The following DYNC1I1 variants were observed in gnomAD, a reference collection of about 807,000 sequenced individuals.
The protein encoded by DYNC1I1 is cytoplasmic dynein 1 intermediate chain 1.
In DYNC1I1, 43 loss-of-function variants were observed where a neutral mutation model predicts 86.6. The ratio of observed to expected loss-of-function variants is 0.50; its 90% confidence interval spans 0.39 to 0.64. DYNC1I1 has a LOEUF of 0.64. Ranked by LOEUF, DYNC1I1 falls within the 30% of genes least tolerant of loss-of-function variation. The probability of loss-of-function intolerance (pLI) is 0.00; values close to 1 mark genes in which losing one functional copy is unlikely to be tolerated. For synonymous variants in DYNC1I1, 262 were observed against 283.7 expected, an observed-to-expected ratio of 0.92 and a Z score of 0.77; for missense variants, 604 against 788.8, an observed-to-expected ratio of 0.77 and a Z score of 2.81.
At chr7:95,909,923 C>T (rs1791284987) in intron 6 of DYNC1I1, among the ~76,000 whole-genome samples, 1 of 152,144 alleles carries the variant, frequency 6.6e-6, no homozygotes, top group Admixed American at 6.5e-5. Flanking sequence ...GTCTTTCTCT[C>T]TCTTTCTCAG....
chr7:95,805,728 T>C (rs1224082020), intron 2 of DYNC1I1, among the ~76,000 whole-genome samples: 2 of 152,148 alleles, frequency 1.3e-5, no homozygotes, highest in South Asian at 4.1e-4. Flanking sequence ...ATACCAAAGA[T>C]ATTTTTGAAT....
At chr7:95,786,927 C>T (rs1218138452) in intron 1 of DYNC1I1, among the ~76,000 whole-genome samples, 1 of 152,076 alleles carries the variant, frequency 6.6e-6, no homozygotes, top group Admixed American at 6.6e-5. Flanking sequence ...GAAAATAACC[C>T]GGTGACACTC....
chr7:95,934,228 G>A (rs1368606850), intron 6 of DYNC1I1, among the ~76,000 whole-genome samples: 3 of 152,102 alleles, frequency 2.0e-5, no homozygotes, highest in Admixed American at 6.5e-5. Context: ...ATTTTCTTAG[G>A]TTAATAGATG....
Position 95,879,058 on chromosome 7 carries a change from T to A in DYNC1I1, c.490+9060T>A, listed in dbSNP as rs148207471. The stretch of plus-strand genomic sequence containing the variant: ...CACAGATAATCATTGAGATAATTTG[T>A]AGTCACAGACCCACCTTACAAGAAA... On this transcript the variant is annotated intron_variant, in intron 6 of 16. Coordinates refer to ENST00000447467, the MANE Select transcript of DYNC1I1 (RefSeq NM_001135556.2). 2.9e-3 allele frequency among the ~76,000 whole-genome samples: 448 copies of A among 152,036 alleles called. 7 individuals carry two copies. Among genetic ancestry groups the A allele is most frequent in the African/African-American group, 0.01 (419 of 41,504 alleles).
At chr7:95,888,657 G>T (rs1384971699) in intron 6 of DYNC1I1, among the ~76,000 whole-genome samples, 2 of 152,208 alleles carry the variant, frequency 1.3e-5, no homozygotes, top group African/African-American at 2.4e-5. Context: ...CAAAGGCCTG[G>T]TTGTCTGCAA....
At chr7:95,975,217 A>T (rs539733256) in intron 6 of DYNC1I1, among the ~76,000 whole-genome samples, 1 of 152,320 alleles carries the variant, frequency 6.6e-6, no homozygotes, top group Admixed American at 6.5e-5. Flanking sequence ...GTAGAAGGAA[A>T]TGCACTTACT....
chr7:95,977,616 A>G lies in DYNC1I1; in HGVS notation c.580+15A>G. The G allele has an allele frequency of 1.2e-6, 2 of 1,606,760 alleles. No individual in the cohort carries two copies. Among genetic ancestry groups the G allele is most frequent in the Non-Finnish European group, 8.5e-7 (1 of 1,176,168 alleles). ...AGTGAAGGAAGGTATGATATGGAAA[A>G]TAAACTGAGTAATCATTTTATTGTT... is the stretch of plus-strand genomic sequence containing the variant. On this transcript the variant is annotated intron_variant, in intron 7 of 16. Coordinates refer to ENST00000447467, the MANE Select transcript of DYNC1I1 (RefSeq NM_001135556.2).
At chr7:95,813,403 C>T in intron 4 of DYNC1I1, 66 bp downstream of exon 4, 2 of 1,475,542 alleles carry the variant, frequency 1.4e-6, no homozygotes, top group Non-Finnish European at 1.8e-6. Context: ...ACAGCAACAA[C>T]ACCACTGTTA....
chr7:96,053,993 A>G (rs955616857), intron 14 of DYNC1I1, among the ~76,000 whole-genome samples: 2 of 152,110 alleles, frequency 1.3e-5, no homozygotes, highest in African/African-American at 4.8e-5. Context: ...TTTTTTTATT[A>G]TACTTCTGGG....
intron 10 of DYNC1I1, 59 bp from the exon 11 acceptor site, chr7:96,028,116 C>T (rs1250409182): frequency 3.2e-6 from 5 of 1,575,148 alleles, no homozygotes; most frequent in Non-Finnish European, 4.3e-6. Flanking sequence ...CAGGAAGAAA[C>T]AAGTCACCTA....
chr7:96,081,702 C>T (rs1367662032), intron 16 of DYNC1I1, among the ~76,000 whole-genome samples: 2 of 152,110 alleles, frequency 1.3e-5, no homozygotes, highest in Non-Finnish European at 2.9e-5. Flanking sequence ...GAGAAGGGTT[C>T]TTTATGGTTT....
At chr7:96,028,979 C>T (rs7782220) in intron 11 of DYNC1I1, among the ~76,000 whole-genome samples, 23,171 of 152,116 alleles carry the variant, frequency 0.15, 1,980 homozygotes, top group South Asian at 0.3. Flanking sequence ...GGCGTGTCTC[C>T]ATCAATCCTT....
At chr7:95,871,672 A>G (rs1203733698) in intron 6 of DYNC1I1, among the ~76,000 whole-genome samples, 1 of 152,218 alleles carries the variant, frequency 6.6e-6, no homozygotes, top group African/African-American at 2.4e-5. Context: ...GGGAAGATAA[A>G]TTAAGGATGA....
chr7:96,090,404 G>T (rs1003422486), intron 16 of DYNC1I1, among the ~76,000 whole-genome samples: 23 of 151,924 alleles, frequency 1.5e-4, no homozygotes, highest in African/African-American at 5.1e-4. Flanking sequence ...TTCTATATTC[G>T]CTGGCTTATT....
intron 5 of DYNC1I1, among the ~76,000 whole-genome samples, chr7:95,862,172 C>T (rs1016518080): frequency 6.6e-6 from 1 of 151,800 alleles, no homozygotes; most frequent in East Asian, 1.9e-4. Context: ...ACCAAAAGCA[C>T]AAGCAACCAA....
At chr7:95,776,172 G>A (rs1414818279) in intron 1 of DYNC1I1, among the ~76,000 whole-genome samples, 1 of 152,100 alleles carries the variant, frequency 6.6e-6, no homozygotes, top group Non-Finnish European at 1.5e-5. Flanking sequence ...CAGCCTGGGC[G>A]ACAGAGCAAG....
At chr7:96,007,691 G>A (rs564357580) in intron 10 of DYNC1I1, among the ~76,000 whole-genome samples, 12 of 151,958 alleles carry the variant, frequency 7.9e-5, no homozygotes, top group Non-Finnish European at 1.8e-4. Context: ...TCAACCCAGC[G>A]AAAAAACACT....
chr7:96,031,131 T>G (rs1472085907), intron 11 of DYNC1I1, among the ~76,000 whole-genome samples: 1 of 152,144 alleles, frequency 6.6e-6, no homozygotes, highest in African/African-American at 2.4e-5. Flanking sequence ...ACATGAGAAG[T>G]GATAATTCAA....
At chr7:95,977,726 T>C in intron 7 of DYNC1I1, 125 bp downstream of exon 7, 1 of 752,318 alleles carries the variant, frequency 1.3e-6, no homozygotes, top group Non-Finnish European at 2.1e-6. Context: ...AGATTTTCTA[T>C]GATTGTTCAA....
Sources: allele counts gnomAD v4.1 joint callset (sites outside exome capture counted in the v4.1 genomes callset), GRCh38; gene constraint gnomAD v4.1.1; transcripts MANE v1.5; gene names NCBI Gene and HGNC (gene_info 2026-07-23, HGNC 2026-07-21).